The following MACF1 variants were observed in gnomAD, a reference collection of about 807,000 sequenced individuals.
The protein encoded by MACF1 is microtubule actin crosslinking factor 1.
MACF1 carries 193 observed loss-of-function variants against 854.8 expected under a neutral mutation model. The observed-to-expected ratio is 0.23, with a 90% confidence interval of 0.20 to 0.25. MACF1 has a LOEUF of 0.25. Ranked by LOEUF, MACF1 falls within the 10% of genes least tolerant of loss-of-function variation. The probability of loss-of-function intolerance (pLI) is 1.00; values close to 1 mark genes in which losing one functional copy is unlikely to be tolerated. For synonymous variants in MACF1, 3,185 were observed against 3,226.7 expected, an observed-to-expected ratio of 0.99 and a Z score of 0.44; for missense variants, 7,722 against 8,929.1, an observed-to-expected ratio of 0.86 and a Z score of 5.45.
Position 39,357,532 on chromosome 1 carries a change from C to G in MACF1, c.11582C>G (p.Ser3861Cys). 1.2e-6 allele frequency: 2 copies of G among 1,614,178 alleles called. No individual in the cohort carries two copies. The highest frequency in any genetic ancestry group is 1.7e-6 in the Non-Finnish European group (2 of 1,180,034). The stretch of plus-strand genomic sequence containing the variant: ...GAGCTAAAGGAACAATACTCTACTT[C>G]CCTGGCCCAATCAGAGGCAGAACTG... ...LGELKEQYST[S>C]LAQSEAELKQ... The change falls in exon 45 of 101, where the codon TCC becomes TGC. Residue 3861 changes from serine to cysteine, a missense_variant. Ser to Cys is a moderately radical substitution (Grantham distance 112, BLOSUM62 -1). This residue lies in a region of MACF1 where 2,807 missense variants were observed against 3,235.8 expected (regional missense o/e 0.87). Transcript: ENST00000564288.
intron 2 of MACF1, among the ~76,000 whole-genome samples, chr1:39,132,516 T>G (rs1482335392): frequency 6.6e-6 from 1 of 152,080 alleles, no homozygotes; most frequent in Non-Finnish European, 1.5e-5. Flanking sequence ...GCTTGGAAAT[T>G]CTTACCTAGG....
chr1:39,295,782 T>C lies in MACF1; in HGVS notation c.2260-5T>C. 2 of 1,611,162 alleles carry C rather than the reference T, an allele frequency of 1.2e-6. No homozygotes were observed. The highest frequency in any genetic ancestry group is 8.5e-7 in the Non-Finnish European group (1 of 1,178,272). Reference sequence around the variant, plus strand: ...CCCTTCTGTCTGTGTGCTTGTTTATTGCAGGCTTACAGTGCTGCTGTCCAG... The same window carrying C: ...CCCTTCTGTCTGTGTGCTTGTTTATCGCAGGCTTACAGTGCTGCTGTCCAG... On this transcript the variant is annotated splice_region_variant and splice_polypyrimidine_tract_variant and intron_variant, in intron 19 of 100. Coordinates refer to ENST00000564288, the MANE Select transcript of MACF1 (RefSeq NM_001394062.1).
At chr1:39,240,101 G>T (rs753498116) in intron 2 of MACF1, among the ~76,000 whole-genome samples, 4 of 152,106 alleles carry the variant, frequency 2.6e-5, no homozygotes, top group African/African-American at 4.8e-5. Flanking sequence ...TGAATATGGG[G>T]TAGCACTGAT....
At chr1:39,290,825 G>A (rs1464076869) in intron 15 of MACF1, among the ~76,000 whole-genome samples, 14 of 151,094 alleles carry the variant, frequency 9.3e-5, no homozygotes, top group African/African-American at 2.2e-4. Flanking sequence ...GCGCCACCAC[G>A]CCCAGCTAAT....
intron 2 of MACF1, among the ~76,000 whole-genome samples, chr1:39,097,382 A>G (rs373317678): frequency 6.6e-6 from 1 of 152,188 alleles, no homozygotes; most frequent in Non-Finnish European, 1.5e-5. Flanking sequence ...CAAGGATTCA[A>G]TCTTGACAGA....
At chr1:39,476,767 T>C (rs1318985459) in intron 97 of MACF1, among the ~76,000 whole-genome samples, 3 of 151,874 alleles carry the variant, frequency 2.0e-5, no homozygotes, top group Non-Finnish European at 4.4e-5. Context: ...GCATGAGACA[T>C]GTAGGGCATG....
chr1:39,138,108 A>G (rs1325206912), intron 2 of MACF1, among the ~76,000 whole-genome samples: 1 of 150,272 alleles, frequency 6.7e-6, no homozygotes, highest in Non-Finnish European at 1.5e-5. Context: ...CTGAAACAGT[A>G]TTGGAAGCTT....
intron 2 of MACF1, among the ~76,000 whole-genome samples, chr1:39,150,094 G>A (rs1299058368): frequency 6.6e-6 from 1 of 151,890 alleles, no homozygotes; most frequent in Non-Finnish European, 1.5e-5. Flanking sequence ...TGCAGTCTCG[G>A]CTCACTGCAA....
In MACF1 at chr1:39,451,119, G is replaced by T; in HGVS notation, c.20326G>T (p.Asp6776Tyr). The T allele has an allele frequency of 6.2e-7, 1 of 1,614,182 alleles. No homozygotes were observed. Among genetic ancestry groups the T allele is most frequent in the South Asian group, 1.1e-5 (1 of 91,076 alleles). The change falls in exon 85 of 101, where the codon GAC (aspartate) becomes TAC (tyrosine). Residue 6776 changes from aspartate (D) to tyrosine (Y), a missense_variant. Asp to Tyr is a radical substitution (Grantham distance 160, BLOSUM62 -3). This residue lies in a region of MACF1 where 729 missense variants were observed against 900.5 expected (regional missense o/e 0.81). Coordinates refer to ENST00000564288, the MANE Select transcript of MACF1 (RefSeq NM_001394062.1). ...CATGGATGCTTTGCAGGCATTGGTT[G>T]ACTGGTTATACAAGGTGGAGCCACA... ...QFMDALQALV[D>Y]WLYKVEPQLA...
intron 2 of MACF1, among the ~76,000 whole-genome samples, chr1:39,232,463 T>C (rs940737240): frequency 6.6e-6 from 1 of 152,192 alleles, no homozygotes; most frequent in Non-Finnish European, 1.5e-5. Context: ...CCTCTATGAA[T>C]GCCTTTTTTT....
intron 50 of MACF1, among the ~76,000 whole-genome samples, chr1:39,368,704 A>G (rs974634605): frequency 5.3e-5 from 8 of 151,982 alleles, no homozygotes; most frequent in African/African-American, 1.2e-4. Context: ...GTTTCCCTAC[A>G]CTGGCCAGGC....
intron 80 of MACF1, among the ~76,000 whole-genome samples, chr1:39,447,003 C>T (rs1644244448): frequency 6.6e-6 from 1 of 152,124 alleles, no homozygotes; most frequent in Non-Finnish European, 1.5e-5. Context: ...TGAACATCAT[C>T]TTCATAGTAA....
In MACF1 at chr1:39,357,799, G is replaced by C; in HGVS notation, c.11849G>C (p.Ser3950Thr). The change falls in exon 45 of 101, where the codon AGT (serine) becomes ACT (threonine). Residue 3950 changes from serine to threonine, a missense_variant. Transcript: ENST00000564288. Reference sequence around the variant, plus strand: ...CAGAAAGTCTTGGACATGGAAAACAGTTTTAAGGAAGGCAAAGAACCATCA... The same window carrying C: ...CAGAAAGTCTTGGACATGGAAAACACTTTTAAGGAAGGCAAAGAACCATCA... Reference protein sequence around the residue: ...SGQKVLDMENSFKEGKEPSEI... With the variant: ...SGQKVLDMENTFKEGKEPSEI... 6.2e-7 allele frequency: 1 copy of C among 1,614,126 alleles called. No individual in the cohort carries two copies. The highest frequency in any genetic ancestry group is 8.5e-7 in the Non-Finnish European group (1 of 1,180,018).
rs771447128 is a variant in MACF1 at position 39,379,268 on chromosome 1, C to T, written c.13342C>T (p.Leu4448Phe). The T allele has an allele frequency of 3.7e-6, 6 of 1,612,894 alleles. No individual in the cohort carries two copies. The African/African-American group carries it at 5.4e-5, about 14-fold the overall frequency. The change falls in exon 54 of 101, where the codon CTT (leucine) becomes TTT (phenylalanine). Residue 4448 changes from leucine to phenylalanine, a missense_variant. This residue lies in a region of MACF1 where 2,807 missense variants were observed against 3,235.8 expected (regional missense o/e 0.87). Transcript: ENST00000564288. The part of the protein sequence containing the change: ...NLKYEKLGGV[L>F]HERQESLQAI... ...GAAGTATGAGAAACTAGGGGGAGTA[C>T]TTCATGAACGCCAGGAAAGCCTTCA...
chr1:39,121,394 G>A (rs1213372650), intron 2 of MACF1, among the ~76,000 whole-genome samples: 7 of 152,140 alleles, frequency 4.6e-5, no homozygotes, highest in Admixed American at 4.6e-4. Flanking sequence ...AAGGGAAGAA[G>A]CTAATATATA....
rs554909886 is a variant in MACF1 at position 39,231,693 on chromosome 1, CT to C, written c.171+461del. ...TATACATTGCTTTATAAGCCTGTTT[CT>C]TTTTTTTTTTAATTTATTAATTTAT... On this transcript the variant is annotated intron_variant, in intron 2 of 100. Transcript: ENST00000564288. Among the ~76,000 whole-genome samples, 1,029 of 146,074 alleles carry C rather than the reference CT, an allele frequency of 7.0e-3. 8 individuals carry two copies. The highest frequency in any genetic ancestry group is 0.018 in the Middle Eastern group (5 of 280).
intron 99 of MACF1, 80 bp downstream of exon 99, chr1:39,481,110 C>A: frequency 1.2e-6 from 1 of 813,106 alleles, no homozygotes; most frequent in Non-Finnish European, 2.0e-6. Context: ...TTCTTCCTGA[C>A]ACGAATCCCT....
At chr1:39,297,345 G>A (rs1012592822) in intron 20 of MACF1, among the ~76,000 whole-genome samples, 2 of 152,188 alleles carry the variant, frequency 1.3e-5, no homozygotes, top group African/African-American at 2.4e-5. Context: ...TACCTAGCCA[G>A]AAGTCAAGAG....
At chr1:39,127,188 C>T (rs1301452056) in intron 2 of MACF1, among the ~76,000 whole-genome samples, 2 of 152,168 alleles carry the variant, frequency 1.3e-5, no homozygotes, top group Non-Finnish European at 1.5e-5. Flanking sequence ...CGCCACTGCA[C>T]GCCAGCCTGA....
Sources: allele counts gnomAD v4.1 joint callset (sites outside exome capture counted in the v4.1 genomes callset), GRCh38; gene constraint gnomAD v4.1.1; regional missense constraint gnomAD v4.1.1; transcripts MANE v1.5; gene names NCBI Gene and HGNC (gene_info 2026-07-23, HGNC 2026-07-21).